ELMOD1: variants seen among roughly 807,000 people sequenced by gnomAD.
The protein encoded by ELMOD1 is ELMO domain-containing protein 1.
Under a neutral mutation model 46.7 loss-of-function variants are expected in ELMOD1, and 21 were observed. The observed-to-expected ratio is 0.45, with a 90% CI of 0.32 to 0.65. The LOEUF is 0.65. Among genes scored for constraint, ELMOD1 ranks in the 30% least tolerant of loss-of-function variants. ELMOD1 has a pLI of 0.04. For missense variants in ELMOD1, 348 were observed against 407.8 expected (o/e 0.85, Z 1.26); for synonymous variants, 122 against 138.2 (o/e 0.88, Z 0.82).
chr11:107,657,693 C>G (rs1866659182), intron 11 of ELMOD1, among the ~76,000 whole-genome samples: 1 of 152,160 alleles, frequency 6.6e-6, no homozygotes, highest in South Asian at 2.1e-4. Flanking sequence ...CATTTTACTT[C>G]TCTGTACCTT....
intron 7 of ELMOD1, among the ~76,000 whole-genome samples, chr11:107,649,068 A>T (rs1321841937): frequency 6.6e-6 from 1 of 152,192 alleles, no homozygotes; most frequent in Non-Finnish European, 1.5e-5. Context: ...TTTAATAATC[A>T]CCCATTCTTT....
intron 6 of ELMOD1, among the ~76,000 whole-genome samples, chr11:107,645,044 TC>T (rs543880710): frequency 3.4e-4 from 51 of 149,156 alleles, no homozygotes; most frequent in Non-Finnish European, 2.2e-4. Context: ...TGCTTCAGCC[TC>T]CCGAATAGCT....
intron 4 of ELMOD1, 97 bp downstream of exon 4, chr11:107,630,825 C>G: frequency 8.4e-7 from 1 of 1,184,036 alleles, no homozygotes; most frequent in South Asian, 1.4e-5. Flanking sequence ...ATACCACTGG[C>G]TAGGAAAACT....
chr11:107,624,292 T>C (rs1409013956), intron 2 of ELMOD1, among the ~76,000 whole-genome samples: 1 of 152,220 alleles, frequency 6.6e-6, no homozygotes, highest in Non-Finnish European at 1.5e-5. Flanking sequence ...GTGTTCATTG[T>C]TTCTCCTTAT....
chr11:107,657,799 G>A (rs1866661197), intron 11 of ELMOD1, among the ~76,000 whole-genome samples: 1 of 152,160 alleles, frequency 6.6e-6, no homozygotes, highest in African/African-American at 2.4e-5. Flanking sequence ...AACAGTGAAG[G>A]GAAAGCCCAA....
chr11:107,630,971 A>G (rs1388538554), intron 4 of ELMOD1, among the ~76,000 whole-genome samples: 1 of 152,156 alleles, frequency 6.6e-6, no homozygotes, highest in African/African-American at 2.4e-5. Context: ...ACCCTTTCTT[A>G]TACCTCTTCC....
At chr11:107,610,255 T>C (rs758795943) in intron 1 of ELMOD1, among the ~76,000 whole-genome samples, 2 of 152,222 alleles carry the variant, frequency 1.3e-5, no homozygotes, top group Non-Finnish European at 2.9e-5. Flanking sequence ...CAGAGAATGA[T>C]TTTTATGTTC....
At chr11:107,648,115 C>T (rs1866463497) in intron 7 of ELMOD1, among the ~76,000 whole-genome samples, 1 of 152,124 alleles carries the variant, frequency 6.6e-6, no homozygotes, top group African/African-American at 2.4e-5. Flanking sequence ...CATCTTTATC[C>T]AGTCCATATT....
chr11:107,605,429 G>C (rs1374709124), intron 1 of ELMOD1, among the ~76,000 whole-genome samples: 1 of 152,118 alleles, frequency 6.6e-6, no homozygotes, highest in Non-Finnish European at 1.5e-5. Context: ...TTGAACTCCT[G>C]ACCTCAAGTG....
At position 107,635,744 on chromosome 11, in the gene ELMOD1, A is replaced by G. The variant is rs1456571007; in HGVS notation, c.399A>G (p.Gln133=). 2.5e-6 allele frequency: 4 copies of G among 1,613,810 alleles called. No homozygotes were observed. The highest frequency in any genetic ancestry group is 3.4e-6 in the Non-Finnish European group (4 of 1,179,794). ...AGGCCTATGATTCTGATAATCCCCA[A>G]CATGAAGAAATGCTTTTGAAGGTTA... is the stretch of plus-strand genomic sequence containing the variant. ...RREAYDSDNP[Q]HEEMLLKLWK... is the part of the protein sequence containing the mutation. Residue 133 remains glutamine, a synonymous_variant, in exon 6 of 12, where the codon CAA becomes CAG. Coordinates refer to ENST00000265840, the MANE Select transcript of ELMOD1 (RefSeq NM_018712.4).
intron 1 of ELMOD1, among the ~76,000 whole-genome samples, chr11:107,609,999 G>A (rs1161252629): frequency 2.0e-5 from 3 of 152,140 alleles, no homozygotes; most frequent in African/African-American, 7.2e-5. Flanking sequence ...AGTAATGCTG[G>A]TAAAAAAGTA....
At chr11:107,664,971 T>C in intron 11 of ELMOD1, 54 bp from the exon 12 acceptor site, 3 of 1,511,868 alleles carry the variant, frequency 2.0e-6, no homozygotes, top group Non-Finnish European at 1.8e-6. Flanking sequence ...ATTTTGAATG[T>C]GATTAAGGAT....
intron 2 of ELMOD1, among the ~76,000 whole-genome samples, chr11:107,619,663 C>A (rs148960622): frequency 6.6e-6 from 1 of 152,098 alleles, no homozygotes; most frequent in Admixed American, 6.5e-5. Context: ...AAAATAGTAG[C>A]CTTTGGTTCT....
intron 6 of ELMOD1, among the ~76,000 whole-genome samples, chr11:107,644,363 C>A (rs904985696): frequency 6.6e-6 from 1 of 152,096 alleles, no homozygotes; most frequent in African/African-American, 2.4e-5. Context: ...GCATCCCACG[C>A]TATAAGCATT....
chr11:107,628,788 T>C (rs975305975), intron 2 of ELMOD1, among the ~76,000 whole-genome samples: 1 of 151,724 alleles, frequency 6.6e-6, no homozygotes, highest in African/African-American at 2.4e-5. Context: ...AAATAATACA[T>C]ATTTATTATA....
Position 107,666,158 on chromosome 11 carries a change from C to T in ELMOD1, c.*961C>T, listed in dbSNP as rs1866841486. The T allele has an allele frequency of 6.6e-6, 1 of 152,158 alleles. No individual in the cohort carries two copies. Among genetic ancestry groups the T allele is most frequent in the East Asian group, 1.9e-4 (1 of 5,202 alleles). The allele number at this position is 152,158 out of a possible 1,614,324, so 9.4% of individuals were successfully genotyped here. On this transcript the variant is annotated 3_prime_UTR_variant, in exon 12 of 12. Transcript: ENST00000265840. ...ATTATATTGTAACTTCCCCTCACCCCAGTTGCAATTGTGTCATAGTCATCT... is the reference window on the plus strand; with the variant it reads ...ATTATATTGTAACTTCCCCTCACCCTAGTTGCAATTGTGTCATAGTCATCT...
At chr11:107,615,338 C>T (rs1194195470) in intron 1 of ELMOD1, among the ~76,000 whole-genome samples, 1 of 141,290 alleles carries the variant, frequency 7.1e-6, no homozygotes, top group African/African-American at 2.6e-5. Context: ...CGGGTTCAAG[C>T]GATTCTCCTG....
rs1012475893 is a variant in ELMOD1 at position 107,642,882 on chromosome 11, C to T, written c.421-4586C>T. ...ATCGTTATATTTTTCTTTGTGATTC[C>T]CCTTCATGCTACTTTCTCCAGAAAC... On this transcript the variant is annotated intron_variant, in intron 6 of 11. Coordinates refer to ENST00000265840, the MANE Select transcript of ELMOD1 (RefSeq NM_018712.4). 7 of 295,910 alleles carry T rather than the reference C, an allele frequency of 2.4e-5. 1 individual carries two copies. Among genetic ancestry groups the T allele is most frequent in the South Asian group, 4.1e-5 (1 of 24,322 alleles). The allele number at this position is 295,910 out of a possible 1,614,324, so 18.3% of individuals were successfully genotyped here.
chr11:107,611,134 T>C (rs548236778), intron 1 of ELMOD1, among the ~76,000 whole-genome samples: 5 of 152,124 alleles, frequency 3.3e-5, no homozygotes, highest in African/African-American at 1.2e-4. Flanking sequence ...ATTAAAGAGC[T>C]TCTACACAGC....
Sources: gnomAD v4.1 joint callset for allele counts (sites outside exome capture counted in the v4.1 genomes callset) on GRCh38, gnomAD v4.1.1 for gene constraint, MANE v1.5 for transcripts, NCBI Gene and HGNC (gene_info 2026-07-23, HGNC 2026-07-21) for gene names.